The following ZC3H12B variants were observed in gnomAD, a reference collection of about 807,000 sequenced individuals.
ZC3H12B encodes the protein probable ribonuclease ZC3H12B.
In ZC3H12B, 7 loss-of-function variants were observed where a neutral mutation model predicts 43.9. The ratio of observed to expected loss-of-function variants is 0.16; its 90% confidence interval spans 0.09 to 0.30. ZC3H12B has a LOEUF of 0.30. Ranked by LOEUF, ZC3H12B falls within the 10% of genes least tolerant of loss-of-function variation. The probability of loss-of-function intolerance (pLI) is 1.00; values close to 1 mark genes in which losing one functional copy is unlikely to be tolerated. For synonymous variants in ZC3H12B, 222 were observed against 241.7 expected, an observed-to-expected ratio of 0.92 and a Z score of 0.76; for missense variants, 475 against 670.2, an observed-to-expected ratio of 0.71 and a Z score of 3.22.
chrX:65,240,618 G>A, the ZC3H12B span, among the ~76,000 whole-genome samples: 34 of 111,917 alleles, frequency 3.0e-4, no homozygotes, highest in Non-Finnish European at 5.8e-4. Flanking sequence ...CTTGAGAGCT[G>A]TTGTGGTCAT....
At chrX:65,500,602 A>G (rs1279598978) in intron 4 of ZC3H12B, among the ~76,000 whole-genome samples, 1 of 110,554 alleles carries the variant, frequency 9.0e-6, no homozygotes, top group Non-Finnish European at 1.9e-5. Flanking sequence ...TAATTTTTGT[A>G]TTTTTAGTAG....
At chrX:65,058,168 G>A in the ZC3H12B span, among the ~76,000 whole-genome samples, 1 of 111,655 alleles carries the variant, frequency 9.0e-6, no homozygotes, top group African/African-American at 3.3e-5. Context: ...GTGATTTTTA[G>A]AATTTTCACC....
chrX:65,136,321 T>C, the ZC3H12B span, among the ~76,000 whole-genome samples: 5 of 110,948 alleles, frequency 4.5e-5, no homozygotes, highest in Admixed American at 9.6e-5. Flanking sequence ...GGTGAGAGTT[T>C]TTTATCCCCA....
the ZC3H12B span, among the ~76,000 whole-genome samples, chrX:65,135,583 T>A: frequency 9.1e-6 from 1 of 109,801 alleles, no homozygotes; most frequent in East Asian, 2.8e-4. Flanking sequence ...TCTGTAATTT[T>A]GTAACGCAGG....
the ZC3H12B span, among the ~76,000 whole-genome samples, chrX:65,162,861 A>G: frequency 9.0e-6 from 1 of 111,573 alleles, no homozygotes; most frequent in African/African-American, 3.3e-5. Flanking sequence ...TAGAGTTTCC[A>G]GTTTTTCTGC....
the ZC3H12B span, among the ~76,000 whole-genome samples, chrX:65,236,361 G>T: frequency 1.8e-5 from 2 of 111,370 alleles, no homozygotes; most frequent in Admixed American, 1.9e-4. Flanking sequence ...TTTGAGAAGG[G>T]TTTGTCCATG....
At chrX:65,502,401 C>T in exon 5 of ZC3H12B, 2 of 1,211,167 alleles carry the variant, frequency 1.7e-6, no homozygotes, top group Non-Finnish European at 2.2e-6. Flanking sequence ...TATTACATGG[C>T]TGAAGTAGAC....
intron 2 of ZC3H12B, among the ~76,000 whole-genome samples, chrX:65,370,591 T>A (rs746733662): frequency 9.8e-5 from 11 of 112,264 alleles, no homozygotes; most frequent in Admixed American, 1.9e-4. Context: ...CCAATATCTA[T>A]ATATCCCTAA....
At chrX:65,332,516 G>C in the ZC3H12B span, among the ~76,000 whole-genome samples, 1 of 111,496 alleles carries the variant, frequency 9.0e-6, no homozygotes, top group Admixed American at 9.5e-5. Context: ...TCCATGAACT[G>C]TGCAACTGTT....
intron 3 of ZC3H12B, among the ~76,000 whole-genome samples, chrX:65,417,245 G>A (rs1370318112): frequency 9.0e-6 from 1 of 111,444 alleles, no homozygotes; most frequent in Non-Finnish European, 1.9e-5. Flanking sequence ...TATATAGTAG[G>A]TATTTTGTAA....
At chrX:65,158,233 A>G in the ZC3H12B span, among the ~76,000 whole-genome samples, 1 of 110,368 alleles carries the variant, frequency 9.1e-6, no homozygotes, top group African/African-American at 3.3e-5. Context: ...CAATAAACAT[A>G]CGTGTGTATG....
At chrX:65,384,489 G>A (rs2066493243) in intron 2 of ZC3H12B, among the ~76,000 whole-genome samples, 1 of 110,438 alleles carries the variant, frequency 9.1e-6, no homozygotes, top group South Asian at 3.9e-4. Flanking sequence ...TTGTGCACAT[G>A]TACCCTAAAA....
At chrX:65,182,172 C>G in the ZC3H12B span, among the ~76,000 whole-genome samples, 2 of 111,369 alleles carry the variant, frequency 1.8e-5, no homozygotes, top group East Asian at 5.6e-4. Context: ...AAACACTGCT[C>G]AGTCTCACTC....
chrX:65,180,362 A>G, the ZC3H12B span, among the ~76,000 whole-genome samples: 4 of 112,185 alleles, frequency 3.6e-5, no homozygotes, highest in Admixed American at 2.9e-4. Flanking sequence ...TCTCAAAATA[A>G]TAAGAGGTAT....
chrX:65,352,884 G>T, the ZC3H12B span, among the ~76,000 whole-genome samples: 2 of 111,789 alleles, frequency 1.8e-5, no homozygotes, highest in Non-Finnish European at 3.8e-5. Context: ...GTCTCGCTCT[G>T]TTACACAGGC....
chrX:65,502,841 G>T, exon 5 of ZC3H12B: 1 of 1,210,773 alleles, frequency 8.3e-7, no homozygotes, highest in South Asian at 1.8e-5. Flanking sequence ...GAGCAACCCC[G>T]TGAGGCAAAG....
At chrX:65,409,757 TAAAG>T (rs2066880862) in intron 3 of ZC3H12B, among the ~76,000 whole-genome samples, 1 of 111,170 alleles carries the variant, frequency 9.0e-6, no homozygotes, top group Non-Finnish European at 1.9e-5. Context: ...ACCTAGGAAT[TAAAG>T]AAGCAAAAGA....
chrX:65,425,540 G>A (rs1386895514), intron 3 of ZC3H12B, among the ~76,000 whole-genome samples: 2 of 111,136 alleles, frequency 1.8e-5, no homozygotes, highest in Non-Finnish European at 3.8e-5. Context: ...TCTTGTGCAA[G>A]TTTTCAAGGA....
chrX:65,186,068 A>G, the ZC3H12B span: 1 of 112,034 alleles, frequency 8.9e-6, no homozygotes, highest in Non-Finnish European at 1.9e-5. Flanking sequence ...AGAGTTTTCC[A>G]TAGAAAATAA....
Sources: allele counts gnomAD v4.1 joint callset (sites outside exome capture counted in the v4.1 genomes callset), GRCh38; gene constraint gnomAD v4.1.1; transcripts MANE v1.5; gene names NCBI Gene and HGNC (gene_info 2026-07-23, HGNC 2026-07-21).